The following PTPRT variants were observed in gnomAD, a reference collection of about 807,000 sequenced individuals.
PTPRT encodes the protein protein tyrosine phosphatase receptor type T, also known as receptor-type tyrosine-protein phosphatase T.
PTPRT carries 56 observed loss-of-function variants against 176.8 expected under a neutral mutation model. The observed-to-expected ratio is 0.32, with a 90% CI of 0.26 to 0.40. The LOEUF is 0.40. Ranked by LOEUF, PTPRT falls within the 10% of genes least tolerant of loss-of-function variation. The pLI, the probability that PTPRT is intolerant of heterozygous loss-of-function variation, is 1.00. For synonymous variants in PTPRT, 783 were observed against 739.0 expected, an observed-to-expected ratio of 1.06 and a Z score of -0.96; for missense variants, 1,540 against 1,908.2, an observed-to-expected ratio of 0.81 and a Z score of 3.60.
intron 11 of PTPRT, among the ~76,000 whole-genome samples, chr20:42,339,289 C>T (rs569570899): frequency 8.8e-4 from 134 of 152,298 alleles, no homozygotes; most frequent in African/African-American, 3.1e-3. Flanking sequence ...TATTTTGACA[C>T]CAGTTATTGT....
chr20:43,157,430 A>C (rs2014555560), intron 1 of PTPRT, among the ~76,000 whole-genome samples: 1 of 152,186 alleles, frequency 6.6e-6, no homozygotes, highest in Non-Finnish European at 1.5e-5. Context: ...GGAAGCAGAA[A>C]CAGACAATTA....
intron 27 of PTPRT, among the ~76,000 whole-genome samples, chr20:42,092,098 G>C (rs1270007646): frequency 6.6e-6 from 1 of 152,196 alleles, no homozygotes; most frequent in African/African-American, 2.4e-5. Flanking sequence ...GAGCTGAGAA[G>C]GGAGGGATGG....
intron 9 of PTPRT, among the ~76,000 whole-genome samples, chr20:42,394,422 T>C (rs2058829436): frequency 6.6e-6 from 1 of 152,124 alleles, no homozygotes; most frequent in South Asian, 2.1e-4. Context: ...GCTTAAGAGA[T>C]TCTTAGGAAG....
At position 42,618,084 on chromosome 20, in the gene PTPRT, G is replaced by T. The variant is rs372297700; in HGVS notation, c.1153+59782C>A. Among the ~76,000 whole-genome samples the T allele has an allele frequency of 4.0e-4, 54 of 136,040 alleles. 4 individuals carry two copies. Among genetic ancestry groups the T allele is most frequent in the Non-Finnish European group, 5.1e-4 (33 of 65,030 alleles). The allele number at this position is 136,040 out of a possible 152,430, so 89.2% of individuals were successfully genotyped here. A position where few individuals can be genotyped will look rare whatever the true frequency, so the allele number is the denominator to read the frequency against. On this transcript the variant is annotated intron_variant, in intron 7 of 30. Transcript: ENST00000373187. ...TTTCTCTTGTGGGCATTTAGTGCTA[G>T]AAATTTCCCTCTACACACTGCTTTG...
chr20:42,166,238 T>C (rs1989819239), intron 16 of PTPRT, among the ~76,000 whole-genome samples: 1 of 152,132 alleles, frequency 6.6e-6, no homozygotes, highest in Admixed American at 6.5e-5. Flanking sequence ...AAAAAGACAC[T>C]GATCCAGTGT....
chr20:42,288,028 A>G (rs1209572044), intron 12 of PTPRT, among the ~76,000 whole-genome samples: 1 of 152,034 alleles, frequency 6.6e-6, no homozygotes, highest in African/African-American at 2.4e-5. Context: ...TACAACATGC[A>G]AATTTAAGCA....
intron 1 of PTPRT, among the ~76,000 whole-genome samples, chr20:42,970,672 T>C (rs1982577481): frequency 6.6e-6 from 1 of 152,154 alleles, no homozygotes; most frequent in Non-Finnish European, 1.5e-5. Context: ...AGACAGATGA[T>C]TAGGATGGAT....
At chr20:42,917,245 C>A (rs1411126285) in intron 1 of PTPRT, among the ~76,000 whole-genome samples, 1 of 152,056 alleles carries the variant, frequency 6.6e-6, no homozygotes, top group Non-Finnish European at 1.5e-5. Context: ...TTGTTTTTGT[C>A]AGGTTTGTCA....
rs534927842 is a variant in PTPRT, at chr20:42,630,807, C to G, written c.1153+47059G>C. On this transcript the variant is annotated intron_variant, in intron 7 of 30. Coordinates refer to ENST00000373187, the MANE Select transcript of PTPRT (RefSeq NM_007050.6). The stretch of plus-strand genomic sequence containing the variant: ...CACAATGACCATCATGACATCATGT[C>G]TGTTGTTACTATCAAGAGCGTTGCT... Among the ~76,000 whole-genome samples, 82 of 152,132 alleles carry G rather than the reference C, an allele frequency of 5.4e-4. 1 individual carries two copies. Among genetic ancestry groups the G allele is most frequent in the Non-Finnish European group, 9.6e-4 (65 of 68,024 alleles).
intron 7 of PTPRT, among the ~76,000 whole-genome samples, chr20:42,655,050 G>C (rs1360733533): frequency 6.6e-6 from 1 of 152,156 alleles, no homozygotes; most frequent in Non-Finnish European, 1.5e-5. Flanking sequence ...TCAGCAATGA[G>C]ACATGTAATA....
intron 28 of PTPRT, 34 bp from the exon 29 acceptor site, chr20:42,084,879 T>C (rs767464162): frequency 1.5e-6 from 2 of 1,368,936 alleles, no homozygotes; most frequent in East Asian, 5.3e-5. Flanking sequence ...GCTGTTCTGC[T>C]GGGGATGCTT....
intron 6 of PTPRT, among the ~76,000 whole-genome samples, chr20:42,702,501 C>G (rs1390276523): frequency 1.3e-5 from 2 of 152,174 alleles, no homozygotes; most frequent in African/African-American, 4.8e-5. Flanking sequence ...TCTGACAAAG[C>G]TCCCTTGACA....
chr20:43,031,471 G>A (rs1394290862), intron 1 of PTPRT, among the ~76,000 whole-genome samples: 1 of 152,190 alleles, frequency 6.6e-6, no homozygotes, highest in African/African-American at 2.4e-5. Flanking sequence ...CTCCAGAACT[G>A]TAAGCAATAC....
chr20:42,859,840 C>T (rs1303781533), intron 2 of PTPRT, among the ~76,000 whole-genome samples: 2 of 151,838 alleles, frequency 1.3e-5, no homozygotes, highest in Non-Finnish European at 2.9e-5. Context: ...GATCCACCCG[C>T]CTGGGCCTCC....
chr20:42,578,587 C>A (rs1568991289), intron 7 of PTPRT, among the ~76,000 whole-genome samples: 1 of 152,132 alleles, frequency 6.6e-6, no homozygotes, highest in Non-Finnish European at 1.5e-5. Context: ...TTCCAGTTGC[C>A]CAGGCCTAGA....
At chr20:42,292,157 G>T (rs2057326498) in intron 12 of PTPRT, among the ~76,000 whole-genome samples, 1 of 151,992 alleles carries the variant, frequency 6.6e-6, no homozygotes, top group African/African-American at 2.4e-5. Flanking sequence ...TGGGCTTATG[G>T]TATTGACAGC....
chr20:42,990,625 T>C (rs1314747688), intron 1 of PTPRT, among the ~76,000 whole-genome samples: 1 of 152,156 alleles, frequency 6.6e-6, no homozygotes, highest in Non-Finnish European at 1.5e-5. Context: ...GTGAAGATGA[T>C]ATGTCTTGGA....
intron 1 of PTPRT, among the ~76,000 whole-genome samples, chr20:43,172,503 C>T (rs1417770425): frequency 6.6e-6 from 1 of 152,190 alleles, no homozygotes; most frequent in African/African-American, 2.4e-5. Flanking sequence ...ACTGAAGGTC[C>T]TATGTCCTAG....
At chr20:42,089,143 C>T (rs1265907418) in intron 27 of PTPRT, among the ~76,000 whole-genome samples, 2 of 151,842 alleles carry the variant, frequency 1.3e-5, no homozygotes, top group East Asian at 1.9e-4. Context: ...TCTTGTCGGG[C>T]GCTGGTCACG....
Sources: allele counts gnomAD v4.1 joint callset (sites outside exome capture counted in the v4.1 genomes callset), GRCh38; gene constraint gnomAD v4.1.1; transcripts MANE v1.5; gene names NCBI Gene and HGNC (gene_info 2026-07-23, HGNC 2026-07-21).